Variants in UBE2E1 observed in about 807,000 individuals in gnomAD.
The protein encoded by UBE2E1 is ubiquitin conjugating enzyme E2 E1, also known as ubiquitin-conjugating enzyme E2 E1.
Under a neutral mutation model 21.4 loss-of-function variants are expected in UBE2E1, and 6 were observed. That is an observed-to-expected ratio of 0.28 (90% confidence interval 0.15 to 0.55). UBE2E1 has a LOEUF of 0.55. Among genes scored for constraint, UBE2E1 ranks in the 20% least tolerant of loss-of-function variants. The pLI, the probability that UBE2E1 is intolerant of heterozygous loss-of-function variation, is 0.93. For missense variants in UBE2E1, 142 were observed against 236.5 expected (o/e 0.60, Z 2.62); for synonymous variants, 87 against 82.7 (o/e 1.05, Z -0.28).
In UBE2E1 at chr3:23,842,194, A is replaced by C. The variant is rs980082217; in HGVS notation, c.203+30684A>C. Among the ~76,000 whole-genome samples, 13 of 52,502 alleles carry C rather than the reference A, an allele frequency of 2.5e-4. No homozygotes were observed. The highest frequency in any genetic ancestry group is 6.1e-4 in the Non-Finnish European group (13 of 21,402). 34.4% of individuals were successfully genotyped at this position (52,502 alleles called of 152,430 possible). A position where few individuals can be genotyped will look rare whatever the true frequency, so the allele number is the denominator to read the frequency against. ...GAACTATGTCATGACCCAGTAAGTG[A>C]AGGGGTGTGTGTGTGTGTGTGTGTG... On this transcript the variant is annotated intron_variant, in intron 3 of 5. Coordinates refer to ENST00000306627, the MANE Select transcript of UBE2E1 (RefSeq NM_003341.5). This position sits in a 1 kb window ranked among gnomAD's most constrained non-coding sequence, Gnocchi z 4.6.
intron 3 of UBE2E1, among the ~76,000 whole-genome samples, chr3:23,814,570 A>G (rs772285684): frequency 1.3e-5 from 2 of 152,142 alleles, no homozygotes; most frequent in Admixed American, 6.6e-5. Context: ...TTATTCCCAT[A>G]TCATTTAGCT....
Position 23,890,671 on chromosome 3 carries a change from GGGGTCAGGGA to G in UBE2E1, c.*70_*79del. On this transcript the variant is annotated 3_prime_UTR_variant, in exon 6 of 6. Coordinates refer to ENST00000306627, the MANE Select transcript of UBE2E1 (RefSeq NM_003341.5). ...GAAGAGAGCTGCTTATGATTTTGAAGGGGTCAGGGAGGGTGGGAGTTGGTAAAGAGTAGGG... is the reference window on the plus strand; with the variant it reads ...GAAGAGAGCTGCTTATGATTTTGAAGGGGTGGGAGTTGGTAAAGAGTAGGG... 1 of 1,454,056 alleles carries G rather than the reference GGGGTCAGGGA, an allele frequency of 6.9e-7. No individual in the cohort carries two copies. The allele number at this position is 1,454,056 out of a possible 1,614,324, so 90.1% of individuals were successfully genotyped here. A position where few individuals can be genotyped will look rare whatever the true frequency, so the allele number is the denominator to read the frequency against.
rs1478972005 is a variant in UBE2E1 at position 23,871,701 on chromosome 3, C to T, written c.204-15866C>T. On this transcript the variant is annotated intron_variant, in intron 3 of 5. Transcript: ENST00000306627. ...ACTCCTCACCTCCCAGACGGGGTCG[C>T]GGCCGGGTAGAGGTGCTCCTCACAT... Among the ~76,000 whole-genome samples the T allele has an allele frequency of 3.2e-4, 48 of 150,796 alleles. 1 individual carries two copies. The highest frequency in any genetic ancestry group is 2.9e-3 in the Admixed American group (44 of 15,216).
Position 23,891,061 on chromosome 3 carries a change from A to G in UBE2E1, c.*455A>G, listed in dbSNP as rs1335036252. The G allele has an allele frequency of 3.3e-5, 5 of 153,050 alleles. No homozygotes were observed. The highest frequency in any genetic ancestry group is 1.2e-4 in the African/African-American group (5 of 41,480). The allele number at this position is 153,050 out of a possible 1,614,324, so 9.5% of individuals were successfully genotyped here. The stretch of plus-strand genomic sequence containing the variant: ...GTTTTTAGAGATTGTCATCTCATAT[A>G]TATAAAATGGACACGTGGCTATAAA... On this transcript the variant is annotated 3_prime_UTR_variant, in exon 6 of 6. Transcript: ENST00000306627.
chr3:23,847,485 T>C (rs1260880035), intron 3 of UBE2E1, among the ~76,000 whole-genome samples: 3 of 144,622 alleles, frequency 2.1e-5, no homozygotes, highest in Non-Finnish European at 4.6e-5. Context: ...ACATGTACTT[T>C]AAATTTTTTT....
At chr3:23,818,252 A>G (rs1050329338) in intron 3 of UBE2E1, among the ~76,000 whole-genome samples, 10 of 152,218 alleles carry the variant, frequency 6.6e-5, no homozygotes, top group Non-Finnish European at 1.0e-4. Context: ...CGTTGATCAC[A>G]TGCAATGCTT....
At chr3:23,812,049 G>A (rs1379616537) in intron 3 of UBE2E1, among the ~76,000 whole-genome samples, 1 of 152,048 alleles carries the variant, frequency 6.6e-6, no homozygotes, top group Non-Finnish European at 1.5e-5. Flanking sequence ...AACTTTCATG[G>A]GGTGTTTTTT....
chr3:23,858,993 C>G (rs1437525590), intron 3 of UBE2E1, among the ~76,000 whole-genome samples: 1 of 152,134 alleles, frequency 6.6e-6, no homozygotes, highest in African/African-American at 2.4e-5. Flanking sequence ...AGTCCCCCAC[C>G]CCCCAATTTG....
intron 3 of UBE2E1, chr3:23,866,320 G>A (rs1211214553): frequency 6.6e-6 from 1 of 152,254 alleles, no homozygotes; most frequent in Non-Finnish European, 1.5e-5. Context: ...ATTGAGCAGT[G>A]GGTGATATTG....
At chr3:23,883,209 T>C (rs545583012) in intron 3 of UBE2E1, among the ~76,000 whole-genome samples, 5 of 152,344 alleles carry the variant, frequency 3.3e-5, no homozygotes, top group Non-Finnish European at 7.3e-5. Context: ...CTTCAACCAG[T>C]ATTTAAAATT....
At position 23,883,997 on chromosome 3, in the gene UBE2E1, C is replaced by T. The variant is rs554604911; in HGVS notation, c.204-3570C>T. 9.9e-4 allele frequency among the ~76,000 whole-genome samples: 151 copies of T among 152,090 alleles called. 1 individual carries two copies. The highest frequency in any genetic ancestry group is 1.5e-3 in the Non-Finnish European group (99 of 68,014). Reference sequence around the variant, plus strand: ...GACCATTCACAGTAATTCCTGAGGGCCCACAGGTTAGGGATCCCTCACTAC... The same window carrying T: ...GACCATTCACAGTAATTCCTGAGGGTCCACAGGTTAGGGATCCCTCACTAC... On this transcript the variant is annotated intron_variant, in intron 3 of 5. Coordinates refer to ENST00000306627, the MANE Select transcript of UBE2E1 (RefSeq NM_003341.5).
rs181859061 is a variant in UBE2E1, at chr3:23,857,558, G to A, written c.204-30009G>A. On this transcript the variant is annotated intron_variant, in intron 3 of 5. Coordinates refer to ENST00000306627, the MANE Select transcript of UBE2E1 (RefSeq NM_003341.5). ...GTCAGACTGGAGATGTATGCCTGTCGAGTCACGTTACACTGAATTTATTTA... is the reference window on the plus strand; with the variant it reads ...GTCAGACTGGAGATGTATGCCTGTCAAGTCACGTTACACTGAATTTATTTA... Among the ~76,000 whole-genome samples, 9 of 152,270 alleles carry A rather than the reference G, an allele frequency of 5.9e-5. No homozygotes were observed. The East Asian group carries it at 1.2e-3, about 20-fold the overall frequency.
intron 3 of UBE2E1, among the ~76,000 whole-genome samples, chr3:23,845,352 A>G (rs1432518525): frequency 1.3e-5 from 2 of 152,186 alleles, no homozygotes; most frequent in African/African-American, 4.8e-5. Flanking sequence ...TACTCTCTTG[A>G]TAGAAGGAAG....
chr3:23,877,333 C>T (rs1224005592), intron 3 of UBE2E1, among the ~76,000 whole-genome samples: 1 of 152,040 alleles, frequency 6.6e-6, no homozygotes, highest in Non-Finnish European at 1.5e-5. Context: ...TAAGACTGGG[C>T]ACTGGAGTCT....
chr3:23,889,131 T>C lies in UBE2E1; in HGVS notation c.356T>C (p.Ile119Thr), dbSNP rs1200018136. ...KPPKVTFRTR[I>T]YHCNINSQGV... ...TTTTAGGTTACATTTCGGACAAGAATCTATCATTGTAATATTAACAGTCAA... is the reference window on the plus strand; with the variant it reads ...TTTTAGGTTACATTTCGGACAAGAACCTATCATTGTAATATTAACAGTCAA... Residue 119 changes from isoleucine (I) to threonine (T), a missense_variant, in exon 5 of 6, where the codon ATC becomes ACC. By Grantham distance (89) the Ile-to-Thr change is moderately conservative. Around this residue, in one of 2 missense-constraint regions of UBE2E1, gnomAD observed 87 missense variants for 184.9 expected, o/e 0.47. Transcript: ENST00000306627. The C allele has an allele frequency of 6.3e-7, 1 of 1,599,048 alleles. No individual in the cohort carries two copies. The highest frequency in any genetic ancestry group is 8.5e-7 in the Non-Finnish European group (1 of 1,175,254).
chr3:23,858,751 A>G (rs1207169869), intron 3 of UBE2E1, among the ~76,000 whole-genome samples: 1 of 152,174 alleles, frequency 6.6e-6, no homozygotes, highest in Non-Finnish European at 1.5e-5. Context: ...GAAGCTATTC[A>G]TTTTTGAGAA....
chr3:23,817,436 AAAG>A (rs374947044), intron 3 of UBE2E1, among the ~76,000 whole-genome samples: 30,489 of 139,446 alleles, frequency 0.22, 3,392 homozygotes, highest in Non-Finnish European at 0.3. Flanking sequence ...AAAAAAAAAA[AAAG>A]AAAGAAAAGA....
In UBE2E1 at chr3:23,887,884, C is replaced by A; in HGVS notation, c.336+185C>A. 4.0e-6 allele frequency: 3 copies of A among 753,350 alleles called. No individual in the cohort carries two copies. Among genetic ancestry groups the A allele is most frequent in the Non-Finnish European group, 6.1e-6 (3 of 490,902 alleles). The allele number at this position is 753,350 out of a possible 1,614,324, so 46.7% of individuals were successfully genotyped here. ...TTTGCCTTATCTGGCAGAGACCATT[C>A]TAGGATTAAGTGCTTTGTTTTGATG... is the stretch of plus-strand genomic sequence containing the variant. On this transcript the variant is annotated intron_variant, in intron 4 of 5. Transcript: ENST00000306627. This position sits in a 1 kb window ranked among gnomAD's most constrained non-coding sequence, Gnocchi z 4.4.
At chr3:23,837,823 C>T (rs1700003224) in intron 3 of UBE2E1, among the ~76,000 whole-genome samples, 1 of 152,144 alleles carries the variant, frequency 6.6e-6, no homozygotes, top group South Asian at 2.1e-4. Context: ...AAATTAAATA[C>T]TACAAACTTT....
Sources: allele counts gnomAD v4.1 joint callset (sites outside exome capture counted in the v4.1 genomes callset), GRCh38; gene constraint gnomAD v4.1.1; regional missense constraint gnomAD v4.1.1; non-coding constraint Gnocchi (gnomAD v3.1); transcripts MANE v1.5; gene names NCBI Gene and HGNC (gene_info 2026-07-23, HGNC 2026-07-21).